Variants in MMRN1 observed in about 807,000 individuals in gnomAD.
MMRN1 encodes the protein multimerin 1.
In MMRN1, 94 loss-of-function variants were observed where a neutral mutation model predicts 100.7. The ratio of observed to expected loss-of-function variants is 0.93; its 90% CI spans 0.79 to 1.11. MMRN1 has a LOEUF of 1.11. Ranked by LOEUF, MMRN1 falls within the 50% of genes least tolerant of loss-of-function variation. MMRN1 has a pLI of 0.00. For missense variants in MMRN1, 1,606 were observed against 1,439.1 expected (o/e 1.12, Z -1.88); for synonymous variants, 575 against 505.0 (o/e 1.14, Z -1.86).
chr4:89,911,846 T>C (rs1046443732), intron 2 of MMRN1, 98 bp from the exon 3 acceptor site: 13 of 712,408 alleles, frequency 1.8e-5, no homozygotes, highest in Non-Finnish European at 2.9e-5. Context: ...GCTTGTTATA[T>C]TGTAGGCATT....
chr4:89,901,754 CA>C (rs1721395228), intron 1 of MMRN1, among the ~76,000 whole-genome samples: 1 of 151,954 alleles, frequency 6.6e-6, no homozygotes, highest in Non-Finnish European at 1.5e-5. Context: ...TTCTTTATTT[CA>C]TTACTTTGCT....
At chr4:89,948,009 C>T (rs1407542680) in intron 6 of MMRN1, among the ~76,000 whole-genome samples, 5 of 151,986 alleles carry the variant, frequency 3.3e-5, no homozygotes, top group African/African-American at 1.2e-4. Context: ...CACACCACCA[C>T]ACCCAGCTAA....
At chr4:89,906,372 C>T (rs781404373) in intron 1 of MMRN1, among the ~76,000 whole-genome samples, 5 of 151,528 alleles carry the variant, frequency 3.3e-5, no homozygotes, top group Non-Finnish European at 5.9e-5. Flanking sequence ...TACCTATTAA[C>T]TTGGAAAATC....
In MMRN1 at chr4:89,934,964, A is replaced by G; in HGVS notation, c.1284A>G (p.Gln428=). 1 of 1,613,740 alleles carries G rather than the reference A, an allele frequency of 6.2e-7. No individual in the cohort carries two copies. Among genetic ancestry groups the G allele is most frequent in the Non-Finnish European group, 8.5e-7 (1 of 1,179,762 alleles). The change falls in exon 6 of 8, where the codon CAA becomes CAG. Residue 428 remains glutamine (Q), a synonymous_variant. Coordinates refer to ENST00000264790, the MANE Select transcript of MMRN1 (RefSeq NM_007351.3). ...TCGAAAGCACCAGGCAAATAATTCA[A>G]AAAGTTAATGAATCTGTGGTTTCAA... ...EDLESTRQII[Q]KVNESVVSIA... is the part of the protein sequence containing the mutation.
At position 89,953,147 on chromosome 4, in the gene MMRN1, T is replaced by A; in HGVS notation, c.3416T>A (p.Ile1139Asn). Reference sequence around the variant, plus strand: ...ACCCCAAGAACTGGAAAATTTAGAATTCCGTATCTTGGAGTATATGTTTTC... The same window carrying A: ...ACCCCAAGAACTGGAAAATTTAGAAATCCGTATCTTGGAGTATATGTTTTC... ...SYTPRTGKFR[I>N]PYLGVYVFKY... The change falls in exon 8 of 8, where the codon ATT becomes AAT. Residue 1139 changes from isoleucine (I) to asparagine (N), a missense_variant. Ile to Asn is a moderately radical substitution (Grantham distance 149). Transcript: ENST00000264790. The A allele has an allele frequency of 6.2e-7, 1 of 1,613,862 alleles. No homozygotes were observed. Among genetic ancestry groups the A allele is most frequent in the Non-Finnish European group, 8.5e-7 (1 of 1,179,868 alleles).
At chr4:89,908,316 T>C in intron 1 of MMRN1, among the ~76,000 whole-genome samples, 1 of 151,462 alleles carries the variant, frequency 6.6e-6, no homozygotes, top group Non-Finnish European at 1.5e-5. Flanking sequence ...CCATAAAAGG[T>C]AAATCTGATA....
chr4:89,950,891 T>G (rs1723144447), intron 6 of MMRN1, among the ~76,000 whole-genome samples: 1 of 152,024 alleles, frequency 6.6e-6, no homozygotes, highest in African/African-American at 2.4e-5. Context: ...AATTTTTTTT[T>G]TCTTTTCAGA....
At chr4:89,929,606 T>A (rs1722373233) in intron 5 of MMRN1, among the ~76,000 whole-genome samples, 1 of 152,146 alleles carries the variant, frequency 6.6e-6, no homozygotes, top group Non-Finnish European at 1.5e-5. Flanking sequence ...TCAACTGTTT[T>A]TTTGTGACCT....
intron 1 of MMRN1, among the ~76,000 whole-genome samples, chr4:89,903,064 C>T (rs1721443205): frequency 6.6e-6 from 1 of 151,832 alleles, no homozygotes; most frequent in Non-Finnish European, 1.5e-5. Flanking sequence ...TATCAAATGT[C>T]TAATGCTTTA....
intron 6 of MMRN1, among the ~76,000 whole-genome samples, chr4:89,937,557 G>A (rs1722686092): frequency 1.3e-5 from 2 of 152,098 alleles, no homozygotes; most frequent in Non-Finnish European, 2.9e-5. Flanking sequence ...TCTGGTCCTA[G>A]ATGTATTAGT....
chr4:89,951,668 C>G lies in MMRN1; in HGVS notation c.3182C>G (p.Thr1061Ser), dbSNP rs1723180512. 6.3e-7 allele frequency: 1 copy of G among 1,578,350 alleles called. No individual in the cohort carries two copies. The highest frequency in any genetic ancestry group is 1.4e-5 in the African/African-American group (1 of 72,036). ...GGGGGCACGTGCATAAATGGAAGAA[C>G]TAGCTTTACCTGTGCCTGCAGACAT... ...QNGGTCINGR[T>S]SFTCACRHPF... The change falls in exon 7 of 8, where the codon ACT becomes AGT. Residue 1061 changes from threonine (T) to serine (S), a missense_variant. Transcript: ENST00000264790.
At chr4:89,942,255 G>A (rs1722855049) in intron 6 of MMRN1, among the ~76,000 whole-genome samples, 3 of 152,056 alleles carry the variant, frequency 2.0e-5, no homozygotes, top group Non-Finnish European at 2.9e-5. Context: ...GATTTGAAAC[G>A]AAATTTGATT....
chr4:89,908,945 T>TA lies in MMRN1; in HGVS notation c.624-330dup, dbSNP rs138985385. 2.6e-4 allele frequency among the ~76,000 whole-genome samples: 40 copies of TA among 151,532 alleles called. No homozygotes were observed. The East Asian group carries it at 5.8e-3, about 22-fold the overall frequency. The stretch of plus-strand genomic sequence containing the variant: ...GTAATGGACCCGGATCTGAGTTTTT[T>TA]ATCTCAGTACTAATATTAATATTTG... On this transcript the variant is annotated intron_variant, in intron 1 of 7. Transcript: ENST00000264790.
Position 89,935,188 on chromosome 4 carries a change from A to G in MMRN1, c.1508A>G (p.Tyr503Cys). ...EQEHSRSILY[Y>C]ESLNKTLSKL... The stretch of plus-strand genomic sequence containing the variant: ...GAACACTCAAGAAGCATTCTGTATT[A>G]TGAATCCCTCAATAAAACTCTTTCT... Residue 503 changes from tyrosine (Y) to cysteine (C), a missense_variant, in exon 6 of 8, where the codon TAT becomes TGT. By Grantham distance (194) the Tyr-to-Cys change is radical. Transcript: ENST00000264790. The G allele has an allele frequency of 1.2e-6, 2 of 1,613,428 alleles. No homozygotes were observed. The highest frequency in any genetic ancestry group is 1.7e-5 in the Admixed American group (1 of 59,940).
chr4:89,923,443 A>G (rs868044004), intron 4 of MMRN1, among the ~76,000 whole-genome samples, 171 bp downstream of exon 4: 1 of 152,268 alleles, frequency 6.6e-6, no homozygotes, highest in South Asian at 2.1e-4. Flanking sequence ...TGGATAAGCT[A>G]TAATAGGTAC....
At chr4:89,911,822 G>A (rs1721759268) in intron 2 of MMRN1, 122 bp from the exon 3 acceptor site, 4 of 627,870 alleles carry the variant, frequency 6.4e-6, no homozygotes, top group African/African-American at 1.9e-5. Flanking sequence ...TATAACAGCC[G>A]ATACTAAATA....
At chr4:89,952,938 G>C in intron 7 of MMRN1, 59 bp from the exon 8 acceptor site, 1 of 1,394,536 alleles carries the variant, frequency 7.2e-7, no homozygotes, top group South Asian at 1.4e-5. Context: ...GAAGATATAA[G>C]GAAAGAAAAA....
chr4:89,897,469 A>T (rs1272586631), intron 1 of MMRN1, among the ~76,000 whole-genome samples: 2 of 152,106 alleles, frequency 1.3e-5, no homozygotes, highest in Non-Finnish European at 2.9e-5. Context: ...CAGCCTCCCA[A>T]AGTGCTGGGA....
In MMRN1 at chr4:89,935,778, A is replaced by T; in HGVS notation, c.2098A>T (p.Asn700Tyr). Reference sequence around the variant, plus strand: ...TATCAAAGAACTTACAAAAAGACACAACTTACTTAGAAATGAAGTACAGGG... The same window carrying T: ...TATCAAAGAACTTACAAAAAGACACTACTTACTTAGAAATGAAGTACAGGG... ...FIIKELTKRH[N>Y]LLRNEVQGRD... The change falls in exon 6 of 8, where the codon AAC (asparagine) becomes TAC (tyrosine). Residue 700 changes from asparagine to tyrosine, a missense_variant. Asn to Tyr is a moderately radical substitution (Grantham distance 143). Coordinates refer to ENST00000264790, the MANE Select transcript of MMRN1 (RefSeq NM_007351.3). 6.2e-7 allele frequency: 1 copy of T among 1,612,886 alleles called. No homozygotes were observed. Among genetic ancestry groups the T allele is most frequent in the Non-Finnish European group, 8.5e-7 (1 of 1,179,568 alleles).
Sources: gnomAD v4.1 joint callset for allele counts (sites outside exome capture counted in the v4.1 genomes callset) on GRCh38, gnomAD v4.1.1 for gene constraint, MANE v1.5 for transcripts, NCBI Gene and HGNC (gene_info 2026-07-23, HGNC 2026-07-21) for gene names.